TMEM232: variants seen among roughly 807,000 people sequenced by gnomAD.
TMEM232 encodes transmembrane protein 232.
In TMEM232, 80 loss-of-function variants were observed where a neutral mutation model predicts 78.8. The ratio of observed to expected loss-of-function variants is 1.01; its 90% CI spans 0.85 to 1.22. The LOEUF (loss-of-function observed/expected upper bound fraction) is 1.22, where lower values mean the gene tolerates loss of function less well. TMEM232 is among the 50% of genes most tolerant of loss of function. The pLI is 0.00. For synonymous variants in TMEM232, 297 were observed against 254.3 expected (o/e 1.17, Z -1.60); for missense variants, 881 against 742.2 (o/e 1.19, Z -2.17).
chr5:110,724,993 G>A (rs367653440), intron 1 of TMEM232, among the ~76,000 whole-genome samples: 1 of 152,108 alleles, frequency 6.6e-6, no homozygotes, highest in Non-Finnish European at 1.5e-5. Flanking sequence ...TACTAAGGTG[G>A]TATATTTTTT....
At chr5:110,459,966 G>T (rs1761318777) in intron 12 of TMEM232, among the ~76,000 whole-genome samples, 1 of 152,092 alleles carries the variant, frequency 6.6e-6, no homozygotes, top group East Asian at 1.9e-4. Context: ...AAAATGTCAA[G>T]ATTAAGAACC....
At chr5:110,596,968 C>T (rs1780245476) in intron 10 of TMEM232, among the ~76,000 whole-genome samples, 1 of 152,140 alleles carries the variant, frequency 6.6e-6, no homozygotes, top group African/African-American at 2.4e-5. Flanking sequence ...ATAGGGATGA[C>T]CTCTCTCACC....
At chr5:110,600,585 C>A (rs1580318052) in intron 10 of TMEM232, among the ~76,000 whole-genome samples, 1 of 152,046 alleles carries the variant, frequency 6.6e-6, no homozygotes. Context: ...AATTCCTGGA[C>A]CCATACACCC....
intron 12 of TMEM232, among the ~76,000 whole-genome samples, chr5:110,522,388 G>A (rs74432307): frequency 0.03 from 4,634 of 152,090 alleles, 248 homozygotes; most frequent in African/African-American, 0.11. Flanking sequence ...TACTTCTTAC[G>A]TTCTGATATG....
At chr5:110,501,365 G>A (rs539488000) in intron 12 of TMEM232, among the ~76,000 whole-genome samples, 140 of 151,950 alleles carry the variant, frequency 9.2e-4, no homozygotes, top group Non-Finnish European at 1.7e-3. Flanking sequence ...AAAGTAGAAT[G>A]TAAATACTAA....
At chr5:110,488,741 A>C (rs955140455) in intron 12 of TMEM232, among the ~76,000 whole-genome samples, 27 of 152,122 alleles carry the variant, frequency 1.8e-4, no homozygotes, top group South Asian at 1.0e-3. Flanking sequence ...GAAAATAGTA[A>C]ACAATAGAGA....
chr5:110,726,227 C>A (rs1798144061), intron 1 of TMEM232, among the ~76,000 whole-genome samples: 1 of 151,736 alleles, frequency 6.6e-6, no homozygotes, highest in Admixed American at 6.6e-5. Flanking sequence ...CAAAAAGGTG[C>A]AATTTCACCA....
intron 1 of TMEM232, among the ~76,000 whole-genome samples, chr5:110,669,349 C>A (rs954403932): frequency 5.9e-5 from 9 of 152,190 alleles, no homozygotes; most frequent in African/African-American, 1.7e-4. Flanking sequence ...ATACTATAAA[C>A]ACCTCTATGC....
chr5:110,521,321 T>A (rs1477313907), intron 12 of TMEM232, among the ~76,000 whole-genome samples: 15 of 152,226 alleles, frequency 9.9e-5, no homozygotes, highest in Non-Finnish European at 1.6e-4. Context: ...GAGAGTTTTT[T>A]TGGCTATGGA....
In TMEM232 at chr5:110,420,513, T is replaced by C. The variant is rs902898290; in HGVS notation, c.*67A>G. 2 of 989,174 alleles carry C rather than the reference T, an allele frequency of 2.0e-6. No homozygotes were observed. Among genetic ancestry groups the C allele is most frequent in the Non-Finnish European group, 2.8e-6 (2 of 725,928 alleles). 61.3% of individuals were successfully genotyped at this position (989,174 alleles called of 1,614,324 possible). A position where few individuals can be genotyped will look rare whatever the true frequency, so the allele number is the denominator to read the frequency against. ...TTCTCTTACTATGTAGCTATCTTGG[T>C]ATTTTTCATCCTATGTATTTCTGCC... On this transcript the variant is annotated 3_prime_UTR_variant, in exon 14 of 14. Coordinates refer to ENST00000455884, the MANE Select transcript of TMEM232 (RefSeq NM_001039763.4).
intron 11 of TMEM232, among the ~76,000 whole-genome samples, chr5:110,554,648 C>A (rs1774860092): frequency 6.6e-6 from 1 of 151,664 alleles, no homozygotes; most frequent in East Asian, 1.9e-4. Flanking sequence ...GTTTTGGTAT[C>A]ACAATGATGC....
intron 1 of TMEM232, among the ~76,000 whole-genome samples, chr5:110,668,269 G>T (rs1189332962): frequency 6.6e-6 from 1 of 152,112 alleles, no homozygotes; most frequent in Non-Finnish European, 1.5e-5. Flanking sequence ...TAAAGAGGAA[G>T]ATAGACCAAG....
upstream of TMEM232, among the ~76,000 whole-genome samples, chr5:110,727,239 C>T (rs541588094): frequency 6.6e-6 from 1 of 152,230 alleles, no homozygotes; most frequent in Admixed American, 6.5e-5. Context: ...TGTCTACTAA[C>T]GAGCAACTGT....
chr5:110,448,834 GCT>G (rs1415951379), intron 12 of TMEM232, among the ~76,000 whole-genome samples: 2 of 151,820 alleles, frequency 1.3e-5, no homozygotes, highest in Non-Finnish European at 2.9e-5. Context: ...GAATATATGA[GCT>G]CCAAATCACT....
At chr5:110,565,043 T>C (rs1240955810) in intron 11 of TMEM232, among the ~76,000 whole-genome samples, 1 of 151,990 alleles carries the variant, frequency 6.6e-6, no homozygotes, top group East Asian at 1.9e-4. Context: ...ATAGCTTACT[T>C]ATCCTCTACT....
chr5:110,713,118 C>T (rs567312348), intron 1 of TMEM232, among the ~76,000 whole-genome samples: 6 of 151,178 alleles, frequency 4.0e-5, no homozygotes, highest in South Asian at 2.1e-4. Flanking sequence ...TATGGATAGT[C>T]ATTATGTTAA....
At chr5:110,522,695 T>C (rs1172711743) in intron 12 of TMEM232, among the ~76,000 whole-genome samples, 1 of 152,206 alleles carries the variant, frequency 6.6e-6, no homozygotes, top group Non-Finnish European at 1.5e-5. Context: ...TTTCATTCTG[T>C]AAATGTAGTA....
At chr5:110,446,835 A>C (rs1208896291) in intron 12 of TMEM232, among the ~76,000 whole-genome samples, 1 of 152,082 alleles carries the variant, frequency 6.6e-6, no homozygotes, top group Non-Finnish European at 1.5e-5. Context: ...CATCCCTATA[A>C]TAGCACTCTC....
At chr5:110,624,269 A>G (rs1217184639) in intron 7 of TMEM232, among the ~76,000 whole-genome samples, 4 of 152,158 alleles carry the variant, frequency 2.6e-5, no homozygotes, top group Admixed American at 1.3e-4. Context: ...TCATGTTTGC[A>G]TGGCATTTAA....
Sources: allele counts gnomAD v4.1 joint callset (sites outside exome capture counted in the v4.1 genomes callset), GRCh38; gene constraint gnomAD v4.1.1; transcripts MANE v1.5; gene names NCBI Gene and HGNC (gene_info 2026-07-23, HGNC 2026-07-21).